The following TENM2 variants were observed in gnomAD, a reference collection of about 807,000 sequenced individuals.
TENM2 encodes the protein teneurin transmembrane protein 2, also known as teneurin-2.
Under a neutral mutation model 245.2 loss-of-function variants are expected in TENM2, and 52 were observed. The ratio of observed to expected loss-of-function variants is 0.21; its 90% CI spans 0.17 to 0.27. TENM2 has a LOEUF of 0.27. Among genes scored for constraint, TENM2 ranks in the 10% least tolerant of loss-of-function variants. The pLI is 1.00. For missense variants in TENM2, 3,046 were observed against 3,666.8 expected, an observed-to-expected ratio of 0.83 and a Z score of 4.37; for synonymous variants, 1,363 against 1,438.9, an observed-to-expected ratio of 0.95 and a Z score of 1.19.
intron 2 of TENM2, among the ~76,000 whole-genome samples, chr5:167,450,036 T>C (rs1393129835): frequency 6.6e-6 from 1 of 152,176 alleles, no homozygotes; most frequent in Non-Finnish European, 1.5e-5. Context: ...GATGGATGAA[T>C]GCGTGGCTAG....
chr5:167,365,907 GA>G (rs1288162327), intron 1 of TENM2, among the ~76,000 whole-genome samples: 2 of 151,912 alleles, frequency 1.3e-5, no homozygotes, highest in African/African-American at 4.8e-5. Context: ...TGTATAGCAT[GA>G]AATGCTTATA....
chr5:167,641,042 A>C (rs775284270), intron 2 of TENM2, among the ~76,000 whole-genome samples: 6 of 150,900 alleles, frequency 4.0e-5, no homozygotes, highest in Non-Finnish European at 7.4e-5. Flanking sequence ...GAGTCAGCTA[A>C]ACAATCCGTG....
chr5:167,770,491 G>T (rs1409527086), intron 2 of TENM2, among the ~76,000 whole-genome samples: 1 of 152,098 alleles, frequency 6.6e-6, no homozygotes, highest in Non-Finnish European at 1.5e-5. Flanking sequence ...GCAATAATAG[G>T]TACTACTGAT....
At chr5:168,164,839 A>G (rs1758075263) in intron 13 of TENM2, among the ~76,000 whole-genome samples, 1 of 152,210 alleles carries the variant, frequency 6.6e-6, no homozygotes, top group South Asian at 2.1e-4. Context: ...TTTAACAAAA[A>G]TGTATTTAGT....
intron 12 of TENM2, among the ~76,000 whole-genome samples, chr5:168,159,699 T>C (rs1428074792): frequency 6.6e-6 from 1 of 152,228 alleles, no homozygotes. Context: ...TGTCCGTTAA[T>C]TACCAGCTGC....
the TENM2 span, among the ~76,000 whole-genome samples, chr5:167,048,992 T>A: frequency 5.0e-4 from 76 of 152,094 alleles, no homozygotes; most frequent in African/African-American, 1.7e-3. Flanking sequence ...AACAGTGTAC[T>A]TTTTTTTGTT....
At chr5:167,063,492 A>G in the TENM2 span, among the ~76,000 whole-genome samples, 1 of 152,170 alleles carries the variant, frequency 6.6e-6, no homozygotes, top group African/African-American at 2.4e-5. Context: ...GTTCTCTAAT[A>G]GAACCTTATC....
In TENM2 at chr5:167,387,957, A is replaced by G. The variant is rs1761539150; in HGVS notation, c.502+12484A>G. On this transcript the variant is annotated intron_variant, in intron 2 of 28. Coordinates refer to ENST00000518659, the Ensembl canonical transcript of TENM2. ...AAGGACTTTAATATTTATGTTCATC[A>G]GGGATGTCGGACTCTAGTTTTCTTT... Among the ~76,000 whole-genome samples, 3 of 152,242 alleles carry G rather than the reference A, an allele frequency of 2.0e-5. No individual in the cohort carries two copies. In the South Asian group the frequency reaches 6.2e-4, roughly 32 times the overall value.
At chr5:168,071,495 T>C (rs1366897331) in intron 7 of TENM2, among the ~76,000 whole-genome samples, 4 of 152,286 alleles carry the variant, frequency 2.6e-5, no homozygotes, top group Admixed American at 6.5e-5. Context: ...CACAGGATCA[T>C]ACCACACACA....
At chr5:167,300,847 G>A (rs894355537) in intron 1 of TENM2, among the ~76,000 whole-genome samples, 7 of 152,114 alleles carry the variant, frequency 4.6e-5, no homozygotes, top group Admixed American at 1.3e-4. Flanking sequence ...CCATAACTTA[G>A]TTAAAGTGTC....
chr5:167,613,717 T>C (rs1777613132), intron 2 of TENM2, among the ~76,000 whole-genome samples: 1 of 152,062 alleles, frequency 6.6e-6, no homozygotes, highest in Admixed American at 6.6e-5. Flanking sequence ...ATATACATCC[T>C]CCTGTTTGCT....
At chr5:167,398,377 CCTTTCTTTCTTT>C (rs33991275) in intron 2 of TENM2, among the ~76,000 whole-genome samples, 6,693 of 137,028 alleles carry the variant, frequency 0.049, 554 homozygotes, top group African/African-American at 0.17. Flanking sequence ...TTTCTTTCTT[CCTTTCTTTCTTT>C]CTTTCTTTCT....
At chr5:167,402,062 G>A (rs999680213) in intron 2 of TENM2, among the ~76,000 whole-genome samples, 1 of 152,018 alleles carries the variant, frequency 6.6e-6, no homozygotes, top group African/African-American at 2.4e-5. Flanking sequence ...AATATTGTCA[G>A]TACCATTTTT....
At chr5:168,107,057 CAGAGAGAGAAAGAGAG>C in intron 9 of TENM2, among the ~76,000 whole-genome samples, 1 of 152,080 alleles carries the variant, frequency 6.6e-6, no homozygotes, top group Non-Finnish European at 1.5e-5. Flanking sequence ...GAGAAAGAGA[CAGAGAGAGAAAGAGAG>C]AGAGAAATCT....
At chr5:167,784,900 C>A (rs1398846719) in intron 2 of TENM2, among the ~76,000 whole-genome samples, 1 of 152,036 alleles carries the variant, frequency 6.6e-6, no homozygotes, top group African/African-American at 2.4e-5. Flanking sequence ...TGATTTGTGA[C>A]TCCTACTTAA....
At chr5:168,052,668 C>T (rs867676610) in intron 6 of TENM2, among the ~76,000 whole-genome samples, 5 of 151,988 alleles carry the variant, frequency 3.3e-5, no homozygotes, top group Admixed American at 6.6e-5. Context: ...AATGTGTACA[C>T]CAAGTTGGCC....
chr5:168,096,720 C>G (rs889318230), intron 8 of TENM2, among the ~76,000 whole-genome samples: 2 of 152,164 alleles, frequency 1.3e-5, no homozygotes, highest in Non-Finnish European at 2.9e-5. Context: ...GCCTTTCATA[C>G]CATGTCACCA....
the TENM2 span, among the ~76,000 whole-genome samples, chr5:166,989,620 G>A: frequency 6.6e-6 from 1 of 150,942 alleles, no homozygotes; most frequent in Non-Finnish European, 1.5e-5. Flanking sequence ...TTGAACTCCC[G>A]ACCTCACGTG....
intron 3 of TENM2, among the ~76,000 whole-genome samples, chr5:167,942,214 A>C (rs1779242284): frequency 6.6e-6 from 1 of 152,210 alleles, no homozygotes; most frequent in African/African-American, 2.4e-5. Flanking sequence ...ATCTCAAAAA[A>C]AGTAAATAAA....
Sources: allele counts gnomAD v4.1 joint callset (sites outside exome capture counted in the v4.1 genomes callset), GRCh38; gene constraint gnomAD v4.1.1; transcripts MANE v1.5; gene names NCBI Gene and HGNC (gene_info 2026-07-23, HGNC 2026-07-21).